Variants in TMOD1 observed in about 807,000 individuals in gnomAD.
The protein encoded by TMOD1 is tropomodulin-1.
In TMOD1, 17 loss-of-function variants were observed where a neutral mutation model predicts 40.6. That is an observed-to-expected ratio of 0.42 (90% CI 0.29 to 0.63). TMOD1 has a LOEUF of 0.63. Ranked by LOEUF, TMOD1 falls within the 20% of genes least tolerant of loss-of-function variation. The pLI, the probability that TMOD1 is intolerant of heterozygous loss-of-function variation, is 0.22. For synonymous variants in TMOD1, 181 were observed against 175.0 expected (o/e 1.03, Z -0.27); for missense variants, 391 against 447.6 (o/e 0.87, Z 1.14).
chr9:97,541,283 G>A lies in TMOD1; in HGVS notation c.121-4902G>A, dbSNP rs1830271545. ...GCTCACTGCAATCTCTGCCTCCTAAGTTCAAAGGATCCTCCCACCTTAGCC... is the reference window on the plus strand; with the variant it reads ...GCTCACTGCAATCTCTGCCTCCTAAATTCAAAGGATCCTCCCACCTTAGCC... On this transcript the variant is annotated intron_variant, in intron 2 of 9. Coordinates refer to ENST00000259365, the MANE Select transcript of TMOD1 (RefSeq NM_003275.4). Among the ~76,000 whole-genome samples the A allele has an allele frequency of 2.0e-5, 3 of 152,184 alleles. No individual in the cohort carries two copies. In the South Asian group the frequency reaches 6.2e-4, roughly 32 times the overall value.
intron 8 of TMOD1, among the ~76,000 whole-genome samples, chr9:97,587,711 A>G (rs1563999781): frequency 6.6e-6 from 1 of 152,024 alleles, no homozygotes; most frequent in Non-Finnish European, 1.5e-5. Context: ...AATTTTTATC[A>G]CTCAAAAAAG....
Position 97,599,917 on chromosome 9 carries a change from GTTA to G in TMOD1, c.*225_*227del. 7.6e-7 allele frequency: 1 copy of G among 1,314,220 alleles called. No homozygotes were observed. Among genetic ancestry groups the G allele is most frequent in the Non-Finnish European group, 9.8e-7 (1 of 1,025,226 alleles). 81.4% of individuals were successfully genotyped at this position (1,314,220 alleles called of 1,614,324 possible). A position where few individuals can be genotyped will look rare whatever the true frequency, so the allele number is the denominator to read the frequency against. On this transcript the variant is annotated 3_prime_UTR_variant, in exon 10 of 10. Coordinates refer to ENST00000259365, the MANE Select transcript of TMOD1 (RefSeq NM_003275.4). ...TCTTTAGTCACAGAAGTTGAATCTG[GTTA>G]TTATTTAAAAACTAGAAGCCCCCAA...
At chr9:97,580,481 T>C (rs1825723694) in intron 8 of TMOD1, among the ~76,000 whole-genome samples, 2 of 152,000 alleles carry the variant, frequency 1.3e-5, no homozygotes, top group Admixed American at 6.6e-5. Flanking sequence ...TGGCACATGC[T>C]TGTAGTCCCA....
chr9:97,573,011 A>C (rs1830845466), intron 8 of TMOD1, among the ~76,000 whole-genome samples: 1 of 152,224 alleles, frequency 6.6e-6, no homozygotes, highest in African/African-American at 2.4e-5. Context: ...AAGCGGGGAA[A>C]CTGAGGATGA....
chr9:97,523,381 T>TG (rs1405095596), intron 1 of TMOD1, among the ~76,000 whole-genome samples: 1 of 152,112 alleles, frequency 6.6e-6, no homozygotes, highest in Admixed American at 6.5e-5. Context: ...CGGCTCCCTC[T>TG]GGGGGGAAAT....
intron 8 of TMOD1, among the ~76,000 whole-genome samples, chr9:97,578,576 C>T (rs1306460560): frequency 6.6e-6 from 1 of 152,086 alleles, no homozygotes; most frequent in Non-Finnish European, 1.5e-5. Flanking sequence ...CTGGGGCAGT[C>T]CTTTCAGCCC....
Position 97,524,219 on chromosome 9 carries a change from C to A in TMOD1, c.31C>A (p.Arg11Ser). The A allele has an allele frequency of 1.2e-6, 2 of 1,614,036 alleles. No homozygotes were observed. The highest frequency in any genetic ancestry group is 1.7e-6 in the Non-Finnish European group (2 of 1,179,992). Residue 11 changes from arginine to serine, a missense_variant, in exon 2 of 10, where the codon CGT becomes AGT. Arg to Ser is a moderately radical substitution (Grantham distance 110, BLOSUM62 -1). Transcript: ENST00000259365. ...GTACAGACGAGAACTAGAGAAATAC[C>A]GTGACCTGGATGAAGATGAAATCCT... MSYRRELEKY[R>S]DLDEDEILGA... is the part of the protein sequence containing the mutation.
At chr9:97,548,089 T>C (rs1377394599) in intron 3 of TMOD1, among the ~76,000 whole-genome samples, 2 of 152,222 alleles carry the variant, frequency 1.3e-5, no homozygotes, top group African/African-American at 4.8e-5. Flanking sequence ...CTAATAAATA[T>C]TTGTTGAATG....
intron 4 of TMOD1, 62 bp from the exon 5 acceptor site, chr9:97,562,670 G>T: frequency 7.9e-7 from 1 of 1,269,328 alleles, no homozygotes. Flanking sequence ...TTGGAGTGTG[G>T]GTCCCTAGGA....
chr9:97,591,110 A>T (rs927824865), intron 8 of TMOD1, among the ~76,000 whole-genome samples, 181 bp from the exon 9 acceptor site: 1 of 152,038 alleles, frequency 6.6e-6, no homozygotes, highest in Non-Finnish European at 1.5e-5. Context: ...ATCCCAGCTC[A>T]TTTGCTCCTG....
intron 3 of TMOD1, among the ~76,000 whole-genome samples, chr9:97,551,022 T>A (rs1442598684): frequency 0.045 from 369 of 8,184 alleles, 2 homozygotes; most frequent in Middle Eastern, 0.17. Context: ...ATATTTTTTT[T>A]TTTTTTTTTT....
intron 9 of TMOD1, among the ~76,000 whole-genome samples, chr9:97,591,726 G>A (rs1826006052): frequency 1.3e-5 from 2 of 152,144 alleles, no homozygotes; most frequent in Admixed American, 1.3e-4. Context: ...TGAAATTTGG[G>A]AGGGCACAAG....
intron 8 of TMOD1, among the ~76,000 whole-genome samples, chr9:97,572,457 TG>T (rs1830834708): frequency 6.6e-6 from 1 of 151,910 alleles, no homozygotes; most frequent in Non-Finnish European, 1.5e-5. Flanking sequence ...CAGGGGGCTG[TG>T]GGGAGGCGCT....
At chr9:97,576,436 A>G (rs958387805) in intron 8 of TMOD1, among the ~76,000 whole-genome samples, 3 of 152,240 alleles carry the variant, frequency 2.0e-5, no homozygotes, top group African/African-American at 7.2e-5. Context: ...CCTGGGCAAC[A>G]GAGTGAGACA....
At chr9:97,585,056 G>A (rs933230717) in intron 8 of TMOD1, among the ~76,000 whole-genome samples, 2 of 152,116 alleles carry the variant, frequency 1.3e-5, no homozygotes, top group Non-Finnish European at 2.9e-5. Context: ...GATGATGTTA[G>A]CTGGTTATTT....
chr9:97,528,546 G>T (rs1049104876), intron 2 of TMOD1, among the ~76,000 whole-genome samples: 1 of 152,194 alleles, frequency 6.6e-6, no homozygotes, highest in Non-Finnish European at 1.5e-5. Flanking sequence ...TACCTGATTT[G>T]CAAGACAGTA....
At chr9:97,547,687 T>G (rs1168626409) in intron 3 of TMOD1, among the ~76,000 whole-genome samples, 2 of 152,254 alleles carry the variant, frequency 1.3e-5, no homozygotes, top group Non-Finnish European at 2.9e-5. Context: ...CTGTCTACTC[T>G]GTTCAGGACA....
Position 97,599,643 on chromosome 9 carries a change from G to A in TMOD1, c.1025G>A (p.Arg342Lys). Residue 342 changes from arginine to lysine, a missense_variant, in exon 10 of 10, where the codon AGG becomes AAG. Arg to Lys is a conservative substitution (Grantham distance 26). Coordinates refer to ENST00000259365, the MANE Select transcript of TMOD1 (RefSeq NM_003275.4). ...CTCCATTCCTTTCCAGTGAGGAAGA[G>A]GAGGCTTGCGGACCTGACTGGGCCC... ...MMNNNDLVRK[R>K]RLADLTGPII... 1 of 1,614,204 alleles carries A rather than the reference G, an allele frequency of 6.2e-7. No individual in the cohort carries two copies. Among genetic ancestry groups the A allele is most frequent in the Admixed American group, 1.7e-5 (1 of 60,016 alleles).
At chr9:97,549,189 C>T (rs953823965) in intron 3 of TMOD1, among the ~76,000 whole-genome samples, 3 of 152,192 alleles carry the variant, frequency 2.0e-5, no homozygotes, top group Non-Finnish European at 2.9e-5. Context: ...GAGACTTAAT[C>T]GAGGAATTTA....
Sources: gnomAD v4.1 joint callset for allele counts (sites outside exome capture counted in the v4.1 genomes callset) on GRCh38, gnomAD v4.1.1 for gene constraint, MANE v1.5 for transcripts, NCBI Gene and HGNC (gene_info 2026-07-23, HGNC 2026-07-21) for gene names.